CACNA1G: variants seen among roughly 807,000 people sequenced by gnomAD.
CACNA1G encodes the protein voltage-dependent T-type calcium channel subunit alpha-1G.
In CACNA1G, 67 loss-of-function variants were observed where a neutral mutation model predicts 219.4. That is an observed-to-expected ratio of 0.31 (90% CI 0.25 to 0.37). CACNA1G has a LOEUF of 0.37. Ranked by LOEUF, CACNA1G falls within the 10% of genes least tolerant of loss-of-function variation. CACNA1G has a pLI of 1.00. For missense variants in CACNA1G, 2,380 were observed against 3,231.4 expected (o/e 0.74, Z 6.39); for synonymous variants, 1,296 against 1,345.3 (o/e 0.96, Z 0.80).
In CACNA1G at chr17:50,626,974, A is replaced by G. The variant is rs539792112; in HGVS notation, c.*223A>G. 2.9e-6 allele frequency: 2 copies of G among 694,896 alleles called. No homozygotes were observed. Among genetic ancestry groups the G allele is most frequent in the African/African-American group, 3.5e-5 (2 of 57,098 alleles). 43.0% of individuals were successfully genotyped at this position (694,896 alleles called of 1,614,324 possible). ...CCAGGCAGAAGGAGAGGCCCGGTGC[A>G]GCTGAGGTTCCCGACACCAGAAGCT... is the stretch of plus-strand genomic sequence containing the variant. On this transcript the variant is annotated 3_prime_UTR_variant, in exon 38 of 38. Transcript: ENST00000359106. The surrounding 1 kb of genome is among the most constrained non-coding windows in gnomAD (Gnocchi z 4.3).
At chr17:50,613,817 G>GCCCGGCCCA (rs907056761) in intron 26 of CACNA1G, among the ~76,000 whole-genome samples, 29 of 152,168 alleles carry the variant, frequency 1.9e-4, no homozygotes, top group Non-Finnish European at 4.1e-4. Context: ...GAAGGAAGAG[G>GCCCGGCCCA]CCCGGCCCAC....
rs944243903 is a variant in CACNA1G, at chr17:50,561,240, C to T, written c.-220C>T. ...CCAGGGGCGCAGGGGAAGCGGGACT[C>T]GCGCCGGGCGGGGTTTCCCTGCGCC... On this transcript the variant is annotated 5_prime_UTR_variant, in exon 1 of 38. Transcript: ENST00000359106. 5 of 553,574 alleles carry T rather than the reference C, an allele frequency of 9.0e-6. No individual in the cohort carries two copies. The highest frequency in any genetic ancestry group is 2.2e-5 in the South Asian group (1 of 45,414). The allele number at this position is 553,574 out of a possible 1,614,324, so 34.3% of individuals were successfully genotyped here.
chr17:50,609,756 C>G lies in CACNA1G; in HGVS notation c.4706-126C>G, dbSNP rs904802891. The G allele has an allele frequency of 4.1e-6, 3 of 734,108 alleles. No homozygotes were observed. The African/African-American group carries it at 5.4e-5, about 13-fold the overall frequency. The allele number at this position is 734,108 out of a possible 1,614,324, so 45.5% of individuals were successfully genotyped here. A position where few individuals can be genotyped will look rare whatever the true frequency, so the allele number is the denominator to read the frequency against. ...GGCTGGACATTCAGAGCCAGCCACC[C>G]AATGGGCTCAGCGCACCCCACCCAT... On this transcript the variant is annotated intron_variant, in intron 25 of 37. Coordinates refer to ENST00000359106, the MANE Select transcript of CACNA1G (RefSeq NM_018896.5).
intron 26 of CACNA1G, among the ~76,000 whole-genome samples, 154 bp downstream of exon 26, chr17:50,610,089 C>T (rs979196978): frequency 4.6e-5 from 7 of 152,212 alleles, no homozygotes; most frequent in Non-Finnish European, 7.3e-5. Flanking sequence ...TGCAGCATCC[C>T]GCAGGCCTGC....
chr17:50,624,159 G>A, intron 36 of CACNA1G, 84 bp downstream of exon 36: 1 of 1,507,338 alleles, frequency 6.6e-7, no homozygotes, highest in Non-Finnish European at 9.1e-7. Flanking sequence ...AGGGGATGGG[G>A]AACTGAGGCA....
rs781394489 is a variant in CACNA1G at position 50,619,694 on chromosome 17, G to A, written c.5793G>A (p.Leu1931=). The A allele has an allele frequency of 6.2e-6, 10 of 1,610,094 alleles. No individual in the cohort carries two copies. The highest frequency in any genetic ancestry group is 1.7e-4 in the Middle Eastern group (1 of 6,056). ...GGCTGGCTCCCCAGGACAGGCAGCTGTTTGACACCATATCCCTGCTGATCC... is the reference window on the plus strand; with the variant it reads ...GGCTGGCTCCCCAGGACAGGCAGCTATTTGACACCATATCCCTGCTGATCC... ...FSLEHPTDRQ[L]FDTISLLIQG... The change falls in exon 34 of 38, where the codon CTG becomes CTA. Residue 1931 remains leucine (L), a synonymous_variant. Transcript: ENST00000359106.
rs1340986650 is a variant in CACNA1G at position 50,617,191 on chromosome 17, T to C, written c.5022-247T>C. Among the ~76,000 whole-genome samples the C allele has an allele frequency of 6.6e-6, 1 of 152,172 alleles. No homozygotes were observed. The highest frequency in any genetic ancestry group is 2.1e-4 in the South Asian group (1 of 4,826). ...TGCATAGTGAACACCATATAAGTGCTAAATTAAAAATAAAAGCAAATGAAT... is the reference window on the plus strand; with the variant it reads ...TGCATAGTGAACACCATATAAGTGCCAAATTAAAAATAAAAGCAAATGAAT... On this transcript the variant is annotated intron_variant, in intron 28 of 37. Coordinates refer to ENST00000359106, the MANE Select transcript of CACNA1G (RefSeq NM_018896.5). This position sits in a 1 kb window ranked among gnomAD's most constrained non-coding sequence, Gnocchi z 5.8.
chr17:50,565,382 TGGGGCG>T (rs921214967), intron 1 of CACNA1G, among the ~76,000 whole-genome samples: 4 of 113,390 alleles, frequency 3.5e-5, no homozygotes, highest in Admixed American at 3.4e-4. Flanking sequence ...GCTTGTGGGG[TGGGGCG>T]GGGGGTTCTG....
chr17:50,619,537 T>G (rs996722838), intron 33 of CACNA1G, 146 bp from the exon 34 acceptor site: 1 of 637,206 alleles, frequency 1.6e-6, no homozygotes, highest in Non-Finnish European at 2.7e-6. Context: ...TTTTTGTGTG[T>G]GTGCACATGT....
At chr17:50,611,643 A>G (rs2049235511) in intron 26 of CACNA1G, among the ~76,000 whole-genome samples, 1 of 152,040 alleles carries the variant, frequency 6.6e-6, no homozygotes, top group Non-Finnish European at 1.5e-5. Flanking sequence ...TTGTTAGGGG[A>G]TGAGGGGAGG....
At chr17:50,608,447 G>C (rs2048418659) in intron 25 of CACNA1G, among the ~76,000 whole-genome samples, 1 of 151,544 alleles carries the variant, frequency 6.6e-6, no homozygotes, top group Admixed American at 6.6e-5. Context: ...AGCCTCAGCA[G>C]ATCTCAGTAA....
In CACNA1G at chr17:50,596,864, C is replaced by T. The variant is rs760870810; in HGVS notation, c.3199C>T (p.Arg1067Cys). 6.9e-6 allele frequency: 11 copies of T among 1,595,202 alleles called. No individual in the cohort carries two copies. Among genetic ancestry groups the T allele is most frequent in the Middle Eastern group, 1.8e-4 (1 of 5,564 alleles). The change falls in exon 16 of 38, where the codon CGC (arginine) becomes TGC (cysteine). Residue 1067 changes from arginine (R) to cysteine (C), a missense_variant. Physicochemically the swap from Arg to Cys is radical, Grantham distance 180. Transcript: ENST00000359106. This position sits in a 1 kb window ranked among gnomAD's most constrained non-coding sequence, Gnocchi z 4.8. The stretch of plus-strand genomic sequence containing the variant: ...GGGCGAGGCGCTGGGCCCTGCGTCG[C>T]GCCGCACCAGCAGCAGCGGGTCGGC... ...GLGEALGPASRRTSSSGSAEP... is the reference protein window; with the variant it reads ...GLGEALGPASCRTSSSGSAEP...
Position 50,603,095 on chromosome 17 carries a change from C to T in CACNA1G, c.4065C>T (p.Leu1355=). 1 of 1,613,476 alleles carries T rather than the reference C, an allele frequency of 6.2e-7. No individual in the cohort carries two copies. Among genetic ancestry groups the T allele is most frequent in the Non-Finnish European group, 8.5e-7 (1 of 1,179,734 alleles). Residue 1355 remains leucine (L), a synonymous_variant, in exon 21 of 38, where the codon CTC becomes CTT. Coordinates refer to ENST00000359106, the MANE Select transcript of CACNA1G (RefSeq NM_018896.5). This position sits in a 1 kb window ranked among gnomAD's most constrained non-coding sequence, Gnocchi z 6.4. ...ACGTGCTGGACGGGCTGTTGGTGCT[C>T]ATCTCCGTCATCGACATTCTGGTGT... is the stretch of plus-strand genomic sequence containing the variant. ...SWNVLDGLLV[L]ISVIDILVSM... is the part of the protein sequence containing the mutation.
At chr17:50,572,084 G>C in intron 5 of CACNA1G, 47 bp downstream of exon 5, 8 of 1,578,804 alleles carry the variant, frequency 5.1e-6, no homozygotes, top group Non-Finnish European at 6.9e-6. Context: ...TGGTTATGGG[G>C]CTGGGCACCC....
chr17:50,619,605 T>G, intron 33 of CACNA1G, 78 bp from the exon 34 acceptor site: 1 of 1,416,624 alleles, frequency 7.1e-7, no homozygotes, highest in Non-Finnish European at 9.6e-7. Flanking sequence ...TCAATCCCCT[T>G]CCACGACACT....
At chr17:50,573,213 C>A in intron 7 of CACNA1G, 100 bp downstream of exon 7, 2 of 844,342 alleles carry the variant, frequency 2.4e-6, no homozygotes, top group Non-Finnish European at 2.0e-6. Context: ...AAGTTTTTAG[C>A]TCTCAGGACA....
At chr17:50,611,071 T>A (rs1183371426) in intron 26 of CACNA1G, among the ~76,000 whole-genome samples, 2 of 151,712 alleles carry the variant, frequency 1.3e-5, no homozygotes, top group Admixed American at 1.3e-4. Flanking sequence ...CTGGCCAACA[T>A]GGTGAAACCC....
At chr17:50,602,761 G>A in intron 19 of CACNA1G, 59 bp from the exon 20 acceptor site, 2 of 1,514,696 alleles carry the variant, frequency 1.3e-6, no homozygotes, top group Non-Finnish European at 1.8e-6. Context: ...ATGCAGAGCA[G>A]ACCTGGCCCA....
chr17:50,568,896 T>A lies in CACNA1G; in HGVS notation c.269T>A (p.Val90Asp). Residue 90 changes from valine to aspartate, a missense_variant, in exon 2 of 38, where the codon GTC becomes GAC. Val to Asp is a radical substitution (Grantham distance 152). This residue lies in a region of CACNA1G where 64 missense variants were observed against 103.7 expected (regional missense o/e 0.62). Coordinates refer to ENST00000359106, the MANE Select transcript of CACNA1G (RefSeq NM_018896.5). ...NPWFERISML[V>D]ILLNCVTLGM... ...TGGTTTGAGCGCATCAGCATGTTGG[T>A]CATCCTTCTCAACTGCGTGACCCTG... 6.2e-7 allele frequency: 1 copy of A among 1,613,690 alleles called. No homozygotes were observed. Among genetic ancestry groups the A allele is most frequent in the Non-Finnish European group, 8.5e-7 (1 of 1,179,874 alleles).
Sources: gnomAD v4.1 joint callset for allele counts (sites outside exome capture counted in the v4.1 genomes callset) on GRCh38, gnomAD v4.1.1 for gene constraint, gnomAD v4.1.1 regional missense constraint, Gnocchi (gnomAD v3.1) non-coding constraint, MANE v1.5 for transcripts, NCBI Gene and HGNC (gene_info 2026-07-23, HGNC 2026-07-21) for gene names.